The following MYL12A variants were observed in gnomAD, a reference collection of about 807,000 sequenced individuals.
The protein encoded by MYL12A is myosin light chain 12A.
Under a neutral mutation model 13.3 loss-of-function variants are expected in MYL12A, and 11 were observed. That is an observed-to-expected ratio of 0.83 (90% confidence interval 0.52 to 1.37). MYL12A has a LOEUF of 1.37. Ranked by LOEUF, MYL12A falls within the 40% of genes most tolerant of loss-of-function variation. The pLI, the probability that MYL12A is intolerant of heterozygous loss-of-function variation, is 0.00. For synonymous variants in MYL12A, 51 were observed against 69.9 expected (o/e 0.73, Z 1.35); for missense variants, 146 against 212.3 (o/e 0.69, Z 1.94).
Position 3,251,505 on chromosome 18 carries a change from A to G in MYL12A, c.-15-1728A>G, listed in dbSNP as rs533355321. ...GTGACATGCCTAAAATATTAAAGCG[A>G]TATGGACTGGTAAACGTGTCACTCA... On this transcript the variant is annotated intron_variant, in intron 1 of 3. Transcript: ENST00000217652. 5.3e-5 allele frequency among the ~76,000 whole-genome samples: 8 copies of G among 152,314 alleles called. No individual in the cohort carries two copies. In the South Asian group the frequency reaches 1.2e-3, roughly 24 times the overall value.
chr18:3,255,744 A>G lies in MYL12A; in HGVS notation c.344-2A>G. On this transcript the variant is annotated splice_acceptor_variant, in intron 3 of 3. Transcript: ENST00000217652. LOFTEE classifies it high-confidence loss of function. ...TCTGATCCCTTGTTCTTTATTCTCC[A>G]GGCACCATACAGGAAGATTACTTGA... The G allele has an allele frequency of 1.2e-6, 2 of 1,610,832 alleles. No individual in the cohort carries two copies. The highest frequency in any genetic ancestry group is 1.7e-6 in the Non-Finnish European group (2 of 1,179,148).
intron 1 of MYL12A, among the ~76,000 whole-genome samples, chr18:3,251,864 G>A (rs1791106): frequency 0.15 from 22,699 of 151,960 alleles, 1,769 homozygotes; most frequent in East Asian, 0.26. Flanking sequence ...ATACGGTGCT[G>A]TATTGGATGG....
chr18:3,251,835 A>G (rs13381416), intron 1 of MYL12A, among the ~76,000 whole-genome samples: 1,814 of 152,322 alleles, frequency 0.012, 41 homozygotes, highest in African/African-American at 0.042. Flanking sequence ...TATCTTTTCA[A>G]CAATATATTC....
At chr18:3,255,087 C>G (rs1005838517) in intron 3 of MYL12A, among the ~76,000 whole-genome samples, 2 of 152,234 alleles carry the variant, frequency 1.3e-5, no homozygotes, top group Non-Finnish European at 2.9e-5. Context: ...CAGCTTACCA[C>G]TGCACATCCC....
chr18:3,250,807 C>T (rs1474510894), intron 1 of MYL12A, among the ~76,000 whole-genome samples: 1 of 152,174 alleles, frequency 6.6e-6, no homozygotes, highest in African/African-American at 2.4e-5. Flanking sequence ...TTTCTGAACT[C>T]ACAGCATTTG....
rs2081536632 is a variant in MYL12A at position 3,256,184 on chromosome 18, A to G, written c.*266A>G. 2 of 345,210 alleles carry G rather than the reference A, an allele frequency of 5.8e-6. No individual in the cohort carries two copies. The highest frequency in any genetic ancestry group is 1.2e-4 in the South Asian group (2 of 16,570). 21.4% of individuals were successfully genotyped at this position (345,210 alleles called of 1,614,324 possible). A position where few individuals can be genotyped will look rare whatever the true frequency, so the allele number is the denominator to read the frequency against. ...ACAGAGTCAATATATTTTTTCAGAG[A>G]AAGTTATTCGCTCGATTTTTTCTGA... is the stretch of plus-strand genomic sequence containing the variant. On this transcript the variant is annotated 3_prime_UTR_variant, in exon 4 of 4. Coordinates refer to ENST00000217652, the MANE Select transcript of MYL12A (RefSeq NM_006471.4).
Position 3,255,989 on chromosome 18 carries a change from C to T in MYL12A, c.*71C>T. On this transcript the variant is annotated 3_prime_UTR_variant, in exon 4 of 4. Coordinates refer to ENST00000217652, the MANE Select transcript of MYL12A (RefSeq NM_006471.4). Reference sequence around the variant, plus strand: ...TATTCTGAGATTTTCTCTTGCATGCCCTTAGCTTTACAGCTTTTGCATTTC... The same window carrying T: ...TATTCTGAGATTTTCTCTTGCATGCTCTTAGCTTTACAGCTTTTGCATTTC... 1 of 1,549,078 alleles carries T rather than the reference C, an allele frequency of 6.5e-7. No individual in the cohort carries two copies. Among genetic ancestry groups the T allele is most frequent in the African/African-American group, 1.4e-5 (1 of 72,398 alleles).
At chr18:3,252,145 T>C (rs1039662931) in intron 1 of MYL12A, 11 of 495,310 alleles carry the variant, frequency 2.2e-5, no homozygotes, top group Non-Finnish European at 3.5e-5. Context: ...CATAGTGTTT[T>C]GCCAGATCAT....
intron 3 of MYL12A, 135 bp downstream of exon 3, chr18:3,254,185 C>A: frequency 9.9e-7 from 1 of 1,015,136 alleles, no homozygotes. Context: ...GTTCTCTTGG[C>A]ATGTTTGTCA....
At chr18:3,252,576 CT>C in intron 1 of MYL12A, 1 of 819,326 alleles carries the variant, frequency 1.2e-6, no homozygotes, top group Non-Finnish European at 1.7e-6. Context: ...GTTTAGAGAT[CT>C]TAGATACTTC....
chr18:3,251,817 G>A (rs1280103560), intron 1 of MYL12A, among the ~76,000 whole-genome samples: 3 of 152,172 alleles, frequency 2.0e-5, no homozygotes, highest in Non-Finnish European at 4.4e-5. Context: ...TCTGTGCTAT[G>A]TAGGATATAT....
chr18:3,253,463 G>A (rs2081507560), intron 2 of MYL12A, 35 bp downstream of exon 2: 1 of 1,596,366 alleles, frequency 6.3e-7, no homozygotes, highest in Non-Finnish European at 8.6e-7. Context: ...CTATTGGATA[G>A]AATTTCCATG....
intron 1 of MYL12A, among the ~76,000 whole-genome samples, chr18:3,248,795 AGAAC>A (rs1362457138): frequency 1.3e-5 from 2 of 152,234 alleles, no homozygotes; most frequent in African/African-American, 2.4e-5. Flanking sequence ...GCAGTCCAAG[AGAAC>A]GAATCCTACC....
At chr18:3,250,982 A>G (rs2144324958) in intron 1 of MYL12A, among the ~76,000 whole-genome samples, 1 of 152,274 alleles carries the variant, frequency 6.6e-6, no homozygotes, top group South Asian at 2.1e-4. Flanking sequence ...TGAAGATAGG[A>G]CACATGCCTT....
chr18:3,254,809 G>C (rs749067236), intron 3 of MYL12A, among the ~76,000 whole-genome samples: 1 of 152,242 alleles, frequency 6.6e-6, no homozygotes, highest in East Asian at 1.9e-4. Flanking sequence ...TCAACATGGC[G>C]TAGCCAAGTG....
intron 1 of MYL12A, 22 bp from the exon 2 acceptor site, chr18:3,253,210 AT>A (rs745494188): frequency 2.5e-6 from 4 of 1,572,494 alleles, no homozygotes; most frequent in Non-Finnish European, 2.6e-6. Context: ...TTTGGTTTTT[AT>A]TGTATTTCCT....
chr18:3,253,600 T>G, intron 2 of MYL12A, 172 bp downstream of exon 2: 1 of 869,924 alleles, frequency 1.1e-6, no homozygotes, highest in Non-Finnish European at 1.7e-6. Context: ...TGACCCTGTC[T>G]TAGGATTGGG....
At chr18:3,253,453 C>T (rs751826489) in intron 2 of MYL12A, 25 bp downstream of exon 2, 1 of 1,604,330 alleles carries the variant, frequency 6.2e-7, no homozygotes, top group East Asian at 2.2e-5. Flanking sequence ...AAATATTAAT[C>T]TATTGGATAG....
At chr18:3,254,855 C>T (rs1482022952) in intron 3 of MYL12A, among the ~76,000 whole-genome samples, 1 of 152,256 alleles carries the variant, frequency 6.6e-6, no homozygotes, top group East Asian at 1.9e-4. Context: ...TTGGTTGCCT[C>T]CATTAGTGGG....
Sources: gnomAD v4.1 joint callset for allele counts (sites outside exome capture counted in the v4.1 genomes callset) on GRCh38, gnomAD v4.1.1 for gene constraint, MANE v1.5 for transcripts, NCBI Gene and HGNC (gene_info 2026-07-23, HGNC 2026-07-21) for gene names.